Variants in FILIP1L observed in about 807,000 individuals in gnomAD.
FILIP1L encodes filamin A-interacting protein 1-like.
A neutral mutation model predicts 96.6 loss-of-function variants in FILIP1L; 55 were observed. The observed-to-expected ratio is 0.57, with a 90% CI of 0.46 to 0.71. The LOEUF is 0.71. Ranked by LOEUF, FILIP1L falls within the 30% of genes least tolerant of loss-of-function variation. FILIP1L has a pLI of 0.00. For synonymous variants in FILIP1L, 467 were observed against 473.9 expected, an observed-to-expected ratio of 0.99 and a Z score of 0.19; for missense variants, 1,304 against 1,321.2, an observed-to-expected ratio of 0.99 and a Z score of 0.20.
At chr3:100,100,369 CT>C (rs1312213922) in intron 1 of FILIP1L, among the ~76,000 whole-genome samples, 1 of 152,158 alleles carries the variant, frequency 6.6e-6, no homozygotes, top group Non-Finnish European at 1.5e-5. Flanking sequence ...ATGTACTATA[CT>C]TGGCTGTCTT....
chr3:99,836,216 G>T (rs975297477), intron 5 of FILIP1L, among the ~76,000 whole-genome samples: 2 of 152,184 alleles, frequency 1.3e-5, no homozygotes, highest in Non-Finnish European at 2.9e-5. Context: ...GGCTTGGGGA[G>T]TAGTAGTACA....
At chr3:99,876,006 G>A (rs1475206933) in intron 4 of FILIP1L, 1 of 970,276 alleles carries the variant, frequency 1.0e-6, no homozygotes, top group Non-Finnish European at 1.2e-6. Context: ...GCCACCCACA[G>A]ACTTGCTACC....
rs149492613 is a variant in FILIP1L at position 100,067,104 on chromosome 3, G to A, written c.-11+46949C>T. 6.6e-5 allele frequency among the ~76,000 whole-genome samples: 10 copies of A among 152,262 alleles called. No homozygotes were observed. The East Asian group carries it at 1.4e-3, about 21-fold the overall frequency. On this transcript the variant is annotated intron_variant, in intron 1 of 5. Transcript: ENST00000477258. ...GGCCACTGAGATGCATGTTCCCAGG[G>A]CACCAGTCACCTAGAATACAGGAGT...
intron 1 of FILIP1L, among the ~76,000 whole-genome samples, chr3:99,970,130 T>C (rs887504137): frequency 6.6e-6 from 1 of 152,382 alleles, no homozygotes; most frequent in East Asian, 1.9e-4. Context: ...CCTCATACTT[T>C]GCGTGCATTA....
At chr3:99,843,110 T>C (rs1167033197) in intron 5 of FILIP1L, among the ~76,000 whole-genome samples, 1 of 152,252 alleles carries the variant, frequency 6.6e-6, no homozygotes, top group East Asian at 1.9e-4. Context: ...TTCCTTGCTC[T>C]TTCTTGTATT....
rs150971757 is a variant in FILIP1L, at chr3:99,985,269, C to T, written c.-10-54239G>A. 6.5e-4 allele frequency among the ~76,000 whole-genome samples: 99 copies of T among 152,202 alleles called. 1 individual carries two copies. The East Asian group carries it at 0.018, about 28-fold the overall frequency. Reference sequence around the variant, plus strand: ...ATCTAGGGCCCATCATGGTGGCTCACGCCTGTAATTCCAACACTTTGGTAG... The same window carrying T: ...ATCTAGGGCCCATCATGGTGGCTCATGCCTGTAATTCCAACACTTTGGTAG... On this transcript the variant is annotated intron_variant, in intron 1 of 5. Transcript: ENST00000477258.
Position 100,064,658 on chromosome 3 carries a change from A to G in FILIP1L, c.-11+49395T>C, listed in dbSNP as rs183071954. Among the ~76,000 whole-genome samples, 4 of 152,316 alleles carry G rather than the reference A, an allele frequency of 2.6e-5. No individual in the cohort carries two copies. In the East Asian group the frequency reaches 7.7e-4, roughly 29 times the overall value. On this transcript the variant is annotated intron_variant, in intron 1 of 5. Transcript: ENST00000477258. ...GGGCTTGGAAAATGCTTACAGACCT[A>G]ATGGAACTTTTTATTTCCACTTGCT...
chr3:99,988,339 TCCAAAA>T (rs1709409514), intron 1 of FILIP1L, among the ~76,000 whole-genome samples: 2 of 28,360 alleles, frequency 7.1e-5, no homozygotes, highest in Non-Finnish European at 1.0e-4. Context: ...CTACTAAAAA[TCCAAAA>T]AAAAAAAAAA....
chr3:99,988,511 C>CAAAAA (rs757175318), intron 1 of FILIP1L, among the ~76,000 whole-genome samples: 8 of 47,644 alleles, frequency 1.7e-4, no homozygotes, highest in South Asian at 1.7e-3. Context: ...GACTCCATCT[C>CAAAAA]AAAAAAAAAA....
At chr3:100,089,089 A>G (rs1429209964) in intron 1 of FILIP1L, among the ~76,000 whole-genome samples, 2 of 152,194 alleles carry the variant, frequency 1.3e-5, no homozygotes, top group African/African-American at 4.8e-5. Context: ...GGATCATTTT[A>G]TCCATTTCCC....
At chr3:99,856,745 C>T (rs538075437) in intron 4 of FILIP1L, among the ~76,000 whole-genome samples, 1 of 152,260 alleles carries the variant, frequency 6.6e-6, no homozygotes, top group South Asian at 2.1e-4. Flanking sequence ...AAATGATACA[C>T]TCAGAGGGTT....
chr3:99,865,961 T>C (rs570066952), intron 4 of FILIP1L, among the ~76,000 whole-genome samples: 1 of 152,174 alleles, frequency 6.6e-6, no homozygotes, highest in African/African-American at 2.4e-5. Flanking sequence ...TAGTCCCTTT[T>C]TTCTCTTCCC....
At chr3:99,925,014 C>T (rs1707247074) in intron 3 of FILIP1L, among the ~76,000 whole-genome samples, 1 of 152,154 alleles carries the variant, frequency 6.6e-6, no homozygotes, top group Non-Finnish European at 1.5e-5. Context: ...TCCTGAGAAG[C>T]TACATTAAAG....
rs555819875 is a variant in FILIP1L at position 100,074,675 on chromosome 3, A to ATTTTTTTTTTTTTTTTTTTTTTTTTTTTT, written c.-11+39349_-11+39377dup. Among the ~76,000 whole-genome samples, 26 of 34,802 alleles carry ATTTTTTTTTTTTTTTTTTTTTTTTTTTTT rather than the reference A, an allele frequency of 7.5e-4. 12 individuals are homozygous for ATTTTTTTTTTTTTTTTTTTTTTTTTTTTT. The highest frequency in any genetic ancestry group is 2.1e-3 in the East Asian group (2 of 942). 22.8% of individuals were successfully genotyped at this position (34,802 alleles called of 152,430 possible). The stretch of plus-strand genomic sequence containing the variant: ...ATTTTCTATGCATGTGCAACATTTG[A>ATTTTTTTTTTTTTTTTTTTTTTTTTTTTT]TTTTTTTTTTTTTTTTTTTTTTTTT... On this transcript the variant is annotated intron_variant, in intron 1 of 5. Coordinates refer to ENST00000477258, the MANE Select transcript of FILIP1L (RefSeq NM_001387850.1).
chr3:99,882,959 T>C (rs1203620067), intron 4 of FILIP1L, among the ~76,000 whole-genome samples: 4 of 152,244 alleles, frequency 2.6e-5, no homozygotes, highest in Non-Finnish European at 5.9e-5. Flanking sequence ...GAACTTTTAA[T>C]ATAAATTTCT....
At chr3:99,908,172 A>G (rs1224791412) in intron 4 of FILIP1L, among the ~76,000 whole-genome samples, 2 of 152,234 alleles carry the variant, frequency 1.3e-5, no homozygotes, top group African/African-American at 4.8e-5. Context: ...AACATAGCCC[A>G]TGCAGCTGGA....
intron 4 of FILIP1L, among the ~76,000 whole-genome samples, chr3:99,889,345 T>TC (rs1460053471): frequency 6.6e-6 from 1 of 152,138 alleles, no homozygotes; most frequent in African/African-American, 2.4e-5. Flanking sequence ...CCTTTATAGA[T>TC]GTTTTTAACT....
At chr3:99,913,280 A>C (rs116088203) in intron 4 of FILIP1L, among the ~76,000 whole-genome samples, 1,764 of 152,328 alleles carry the variant, frequency 0.012, 19 homozygotes, top group African/African-American at 0.026. Flanking sequence ...TGAGGAACTG[A>C]CAGACTATTT....
chr3:99,849,313 C>T lies in FILIP1L; in HGVS notation c.2363G>A (p.Arg788Lys). ...SKSLRPSLNG[R>K]RISDPQVFSK... The stretch of plus-strand genomic sequence containing the variant: ...AAATACTTGAGGATCGGAAATTCTT[C>T]TTCCATTGAGACTAGGCCTGAGGCT... The change falls in exon 5 of 6, where the codon AGA becomes AAA. Residue 788 changes from arginine to lysine, a missense_variant. Arg to Lys is a conservative substitution (Grantham distance 26). Transcript: ENST00000477258. The T allele has an allele frequency of 3.1e-6, 5 of 1,614,162 alleles. No homozygotes were observed. The highest frequency in any genetic ancestry group is 4.2e-6 in the Non-Finnish European group (5 of 1,180,022).
Sources: allele counts gnomAD v4.1 joint callset (sites outside exome capture counted in the v4.1 genomes callset), GRCh38; gene constraint gnomAD v4.1.1; transcripts MANE v1.5; gene names NCBI Gene and HGNC (gene_info 2026-07-23, HGNC 2026-07-21).